SMAD9: variants seen among roughly 807,000 people sequenced by gnomAD.
The protein encoded by SMAD9 is SMAD family member 9.
SMAD9 carries 36 observed loss-of-function variants against 46.1 expected under a neutral mutation model. The observed-to-expected ratio is 0.78, with a 90% CI of 0.60 to 1.03. SMAD9 has a LOEUF of 1.03. Ranked by LOEUF, SMAD9 falls within the 50% of genes least tolerant of loss-of-function variation. SMAD9 has a pLI of 0.00. For synonymous variants in SMAD9, 245 were observed against 237.1 expected, an observed-to-expected ratio of 1.03 and a Z score of -0.31; for missense variants, 572 against 599.8, an observed-to-expected ratio of 0.95 and a Z score of 0.48.
chr13:36,909,227 T>C (rs1015225441), intron 1 of SMAD9, among the ~76,000 whole-genome samples: 1 of 152,208 alleles, frequency 6.6e-6, no homozygotes, highest in Non-Finnish European at 1.5e-5. Context: ...GTTTGCTATG[T>C]AGTGAAAGGG....
At chr13:36,891,905 T>C (rs79233029) in intron 1 of SMAD9, among the ~76,000 whole-genome samples, 3,281 of 152,248 alleles carry the variant, frequency 0.022, 125 homozygotes, top group African/African-American at 0.075. Flanking sequence ...GTTTAGATTC[T>C]TAAGGTTGGG....
chr13:36,881,386 T>C (rs930490484), intron 1 of SMAD9, among the ~76,000 whole-genome samples: 1 of 152,202 alleles, frequency 6.6e-6, no homozygotes, highest in African/African-American at 2.4e-5. Flanking sequence ...TTAAATATAA[T>C]TTTCTCCTTT....
intron 5 of SMAD9, 112 bp from the exon 6 acceptor site, chr13:36,853,787 TG>T (rs2058096835): frequency 9.5e-7 from 1 of 1,048,008 alleles, no homozygotes. Flanking sequence ...GTCAGATCAC[TG>T]ATCAGATGAA....
chr13:36,856,662 C>A (rs565727033), intron 5 of SMAD9, among the ~76,000 whole-genome samples: 1 of 152,314 alleles, frequency 6.6e-6, no homozygotes, highest in East Asian at 1.9e-4. Flanking sequence ...TAGCTTTAAA[C>A]GCCAGTGTCA....
chr13:36,889,417 C>T (rs1160911019), intron 1 of SMAD9, among the ~76,000 whole-genome samples: 1 of 152,218 alleles, frequency 6.6e-6, no homozygotes, highest in Non-Finnish European at 1.5e-5. Context: ...TCATCACGAG[C>T]TCCTACTTGT....
intron 5 of SMAD9, among the ~76,000 whole-genome samples, chr13:36,854,532 T>C (rs549599961): frequency 1.3e-5 from 2 of 152,168 alleles, no homozygotes; most frequent in Non-Finnish European, 2.9e-5. Context: ...CACAGCTGGC[T>C]AATTTTTGTT....
In SMAD9 at chr13:36,879,499, T is replaced by C; in HGVS notation, c.191A>G (p.Gln64Arg). The change falls in exon 2 of 7, where the codon CAG (glutamine) becomes CGG (arginine). Residue 64 changes from glutamine to arginine, a missense_variant. Gln to Arg is a conservative substitution (Grantham distance 43). Transcript: ENST00000379826. ...GGGAATCGTGACGCATTTGCTGGGC[T>C]GCCCCGGGCAGCTGAGAGCCCTCTC... ...ELERALSCPG[Q>R]PSKCVTIPRS... 1 of 1,614,118 alleles carries C rather than the reference T, an allele frequency of 6.2e-7. No homozygotes were observed. Among genetic ancestry groups the C allele is most frequent in the Non-Finnish European group, 8.5e-7 (1 of 1,180,028 alleles).
intron 5 of SMAD9, among the ~76,000 whole-genome samples, chr13:36,862,721 C>T (rs1337092885): frequency 6.6e-6 from 1 of 152,202 alleles, no homozygotes; most frequent in Non-Finnish European, 1.5e-5. Flanking sequence ...TCTATGGACT[C>T]ACCCCAAATT....
At chr13:36,866,133 T>C (rs992944566) in intron 4 of SMAD9, among the ~76,000 whole-genome samples, 1 of 152,166 alleles carries the variant, frequency 6.6e-6, no homozygotes, top group African/African-American at 2.4e-5. Flanking sequence ...TTCAGAAACA[T>C]GTGAAAGATG....
chr13:36,913,749 T>C (rs1257471476), intron 1 of SMAD9, among the ~76,000 whole-genome samples: 1 of 152,148 alleles, frequency 6.6e-6, no homozygotes, highest in Non-Finnish European at 1.5e-5. Flanking sequence ...TCAACTCCTA[T>C]TCCTAAAAAT....
At chr13:36,907,577 A>G (rs2058629332) in intron 1 of SMAD9, among the ~76,000 whole-genome samples, 1 of 152,158 alleles carries the variant, frequency 6.6e-6, no homozygotes, top group South Asian at 2.1e-4. Context: ...CAGGAGGCTG[A>G]GGCAAGAGGA....
At chr13:36,875,580 A>ATC (rs2058338621) in intron 2 of SMAD9, among the ~76,000 whole-genome samples, 1 of 152,174 alleles carries the variant, frequency 6.6e-6, no homozygotes, top group African/African-American at 2.4e-5. Context: ...GGAAAAAAAA[A>ATC]GATTATGTGC....
intron 2 of SMAD9, among the ~76,000 whole-genome samples, chr13:36,874,344 C>T (rs994749194): frequency 2.6e-5 from 4 of 152,272 alleles, no homozygotes; most frequent in East Asian, 1.9e-4. Flanking sequence ...AGAGGATCAC[C>T]GCAAAGTCAC....
intron 1 of SMAD9, among the ~76,000 whole-genome samples, chr13:36,906,998 CAAAT>C (rs1255104258): frequency 2.0e-5 from 3 of 150,886 alleles, no homozygotes; most frequent in Non-Finnish European, 2.9e-5. Flanking sequence ...CATCCATCAA[CAAAT>C]GAATGAATGA....
At chr13:36,915,755 C>T (rs139111870) in intron 1 of SMAD9, among the ~76,000 whole-genome samples, 1 of 152,142 alleles carries the variant, frequency 6.6e-6, no homozygotes, top group Non-Finnish European at 1.5e-5. Context: ...GTGTTACAAC[C>T]GTGTGCACAC....
At chr13:36,851,619 T>C in intron 6 of SMAD9, 3 of 444,238 alleles carry the variant, frequency 6.8e-6, no homozygotes, top group Non-Finnish European at 6.0e-6. Flanking sequence ...TCAATAAACA[T>C]TTGTTGACTG....
At chr13:36,852,043 C>G in intron 6 of SMAD9, 1 of 971,544 alleles carries the variant, frequency 1.0e-6, no homozygotes, top group Non-Finnish European at 1.2e-6. Flanking sequence ...GAAAAGATTT[C>G]GAAGTTATTT....
chr13:36,880,438 G>A (rs938897011), intron 1 of SMAD9, among the ~76,000 whole-genome samples: 3 of 152,038 alleles, frequency 2.0e-5, no homozygotes, highest in African/African-American at 7.3e-5. Flanking sequence ...TTTTTAGTTT[G>A]CACAAGCAAT....
intron 5 of SMAD9, among the ~76,000 whole-genome samples, chr13:36,858,041 C>T (rs1230532786): frequency 6.6e-6 from 1 of 151,996 alleles, no homozygotes; most frequent in Non-Finnish European, 1.5e-5. Context: ...ATGAGATTTG[C>T]TCTAAAATAT....
Sources: gnomAD v4.1 joint callset for allele counts (sites outside exome capture counted in the v4.1 genomes callset) on GRCh38, gnomAD v4.1.1 for gene constraint, MANE v1.5 for transcripts, NCBI Gene and HGNC (gene_info 2026-07-23, HGNC 2026-07-21) for gene names.